The following RACGAP1 variants were observed in gnomAD, a reference collection of about 807,000 sequenced individuals.
The protein encoded by RACGAP1 is Rac GTPase activating protein 1.
A neutral mutation model predicts 78.1 loss-of-function variants in RACGAP1; 30 were observed. The ratio of observed to expected loss-of-function variants is 0.38; its 90% CI spans 0.29 to 0.52. The LOEUF (loss-of-function observed/expected upper bound fraction) is 0.52, where lower values mean the gene tolerates loss of function less well. Among genes scored for constraint, RACGAP1 ranks in the 20% least tolerant of loss-of-function variants. RACGAP1 has a pLI of 0.82. For missense variants in RACGAP1, 587 were observed against 777.1 expected (o/e 0.76, Z 2.91); for synonymous variants, 231 against 264.8 (o/e 0.87, Z 1.24).
intron 2 of RACGAP1, among the ~76,000 whole-genome samples, chr12:50,011,331 CAAAAAAAA>C (rs34796842): frequency 7.0e-5 from 5 of 71,486 alleles, no homozygotes; most frequent in Non-Finnish European, 1.6e-4. Flanking sequence ...GAGACTGTCT[CAAAAAAAA>C]AAAAAAAAAA....
At chr12:49,995,967 A>G in intron 10 of RACGAP1, among the ~76,000 whole-genome samples, 1 of 152,202 alleles carries the variant, frequency 6.6e-6, no homozygotes. Context: ...GCTTCCAAGT[A>G]ATTCATTGGA....
upstream of RACGAP1, among the ~76,000 whole-genome samples, chr12:50,027,535 T>C (rs1166212267): frequency 6.6e-6 from 1 of 152,082 alleles, no homozygotes; most frequent in East Asian, 1.9e-4. Flanking sequence ...ATATATTTAA[T>C]AAATACACAA....
chr12:50,017,899 G>A (rs1281897807), intron 1 of RACGAP1, among the ~76,000 whole-genome samples: 2 of 152,236 alleles, frequency 1.3e-5, no homozygotes, highest in Non-Finnish European at 2.9e-5. Flanking sequence ...GCTCACGCCT[G>A]TAATCCCAGC....
intron 1 of RACGAP1, among the ~76,000 whole-genome samples, chr12:50,022,799 T>C (rs1950081235): frequency 6.6e-6 from 1 of 152,218 alleles, no homozygotes; most frequent in African/African-American, 2.4e-5. Flanking sequence ...TTAACTATTC[T>C]CTTCTTTGGA....
intron 5 of RACGAP1, 77 bp from the exon 6 acceptor site, chr12:50,002,377 G>T: frequency 7.8e-7 from 1 of 1,281,080 alleles, no homozygotes; most frequent in Non-Finnish European, 1.1e-6. Context: ...AATTTACAGA[G>T]AACTTTAAAG....
chr12:50,009,616 A>G (rs7306575), intron 2 of RACGAP1, among the ~76,000 whole-genome samples: 11,002 of 152,196 alleles, frequency 0.072, 1,330 homozygotes, highest in African/African-American at 0.25. Context: ...CACACAGTAG[A>G]CACTTGAAAT....
At chr12:50,011,122 A>G (rs2137524720) in intron 2 of RACGAP1, among the ~76,000 whole-genome samples, 1 of 152,174 alleles carries the variant, frequency 6.6e-6, no homozygotes, top group East Asian at 1.9e-4. Context: ...GGATCACTTG[A>G]GGTCAGGAGT....
chr12:50,008,906 C>G (rs1418035492), intron 2 of RACGAP1, among the ~76,000 whole-genome samples: 3 of 152,214 alleles, frequency 2.0e-5, no homozygotes, highest in African/African-American at 7.2e-5. Context: ...GACCAATAAT[C>G]ATGGCACTGT....
chr12:50,022,278 T>C (rs773243171), intron 1 of RACGAP1, among the ~76,000 whole-genome samples: 2 of 152,212 alleles, frequency 1.3e-5, no homozygotes, highest in Non-Finnish European at 2.9e-5. Context: ...ATCTTCTATG[T>C]TCAAAAAGTT....
chr12:50,002,755 C>G (rs1016047090), intron 5 of RACGAP1: 1 of 153,182 alleles, frequency 6.5e-6, no homozygotes. Flanking sequence ...CAGGCGATGG[C>G]TCATGCCTGT....
intron 2 of RACGAP1, among the ~76,000 whole-genome samples, chr12:50,030,767 A>G (rs73297487): frequency 0.072 from 10,963 of 151,880 alleles, 1,306 homozygotes; most frequent in African/African-American, 0.25. Context: ...AAATATGTTC[A>G]ATTTTATGTC....
At chr12:50,002,146 G>C (rs1268198244) in intron 6 of RACGAP1, 101 bp downstream of exon 6, 5 of 810,284 alleles carry the variant, frequency 6.2e-6, no homozygotes, top group Non-Finnish European at 1.0e-5. Flanking sequence ...GCTTAACAAT[G>C]GCTAGAGCAA....
At chr12:50,022,503 AC>A (rs1950061695) in intron 1 of RACGAP1, among the ~76,000 whole-genome samples, 1 of 151,956 alleles carries the variant, frequency 6.6e-6, no homozygotes, top group Non-Finnish European at 1.5e-5. Context: ...AATCGCTTGA[AC>A]CCGAGAGGCA....
intron 10 of RACGAP1, among the ~76,000 whole-genome samples, chr12:49,995,147 G>A (rs543154736): frequency 1.1e-4 from 17 of 152,170 alleles, no homozygotes; most frequent in African/African-American, 3.6e-4. Context: ...TCAGGAGTTC[G>A]AGACCTGCCT....
rs148086144 is a variant in RACGAP1 at position 50,022,532 on chromosome 12, A to G, written c.-5+2866T>C. Among the ~76,000 whole-genome samples the G allele has an allele frequency of 3.3e-3, 506 of 152,314 alleles. 5 individuals are homozygous for G. The highest frequency in any genetic ancestry group is 0.012 in the African/African-American group (487 of 41,564). On this transcript the variant is annotated intron_variant, in intron 1 of 16. Coordinates refer to ENST00000312377, the MANE Select transcript of RACGAP1 (RefSeq NM_001319999.2). ...GAGAGGCAGAGGTTGCAGTGACCCA[A>G]GATGGCGCCATTGCACTCCAGCCCG...
upstream of RACGAP1, among the ~76,000 whole-genome samples, chr12:50,030,430 G>A (rs576145753): frequency 2.6e-5 from 4 of 151,788 alleles, no homozygotes; most frequent in African/African-American, 7.3e-5. Context: ...GCTCACACCT[G>A]TAATCCCAGC....
In RACGAP1 at chr12:49,994,165, G is replaced by A; in HGVS notation, c.1305C>T (p.Thr435=). 6.2e-7 allele frequency: 1 copy of A among 1,613,362 alleles called. No homozygotes were observed. Among genetic ancestry groups the A allele is most frequent in the Non-Finnish European group, 8.5e-7 (1 of 1,179,960 alleles). ...CCATAAAGGCTCTGTTAAGGCGAAA[G>A]GTCAGAAGAGGTTCTTTGAGGTTTC... is the stretch of plus-strand genomic sequence containing the variant. The part of the protein sequence containing the change: ...FLRNLKEPLL[T]FRLNRAFMEA... Residue 435 remains threonine, a synonymous_variant, in exon 12 of 17, where the codon ACC becomes ACT. Coordinates refer to ENST00000312377, the MANE Select transcript of RACGAP1 (RefSeq NM_001319999.2).
chr12:49,991,313 T>G (rs1947820561), intron 15 of RACGAP1, among the ~76,000 whole-genome samples: 1 of 151,484 alleles, frequency 6.6e-6, no homozygotes, highest in Non-Finnish European at 1.5e-5. Flanking sequence ...CTATATTGAC[T>G]ATAGCATTAC....
At chr12:50,012,767 T>A (rs566751612) in intron 2 of RACGAP1, among the ~76,000 whole-genome samples, 15 of 145,050 alleles carry the variant, frequency 1.0e-4, no homozygotes, top group African/African-American at 3.6e-4. Flanking sequence ...TCAAAAAAAA[T>A]AAAAAATAAA....
Sources: gnomAD v4.1 joint callset for allele counts (sites outside exome capture counted in the v4.1 genomes callset) on GRCh38, gnomAD v4.1.1 for gene constraint, MANE v1.5 for transcripts, NCBI Gene and HGNC (gene_info 2026-07-23, HGNC 2026-07-21) for gene names.